CCDC144A: variants seen among roughly 807,000 people sequenced by gnomAD.
CCDC144A encodes coiled-coil domain-containing protein 144A.
Under a neutral mutation model 143.8 loss-of-function variants are expected in CCDC144A, and 41 were observed. The ratio of observed to expected loss-of-function variants is 0.29; its 90% CI spans 0.22 to 0.37. The LOEUF (loss-of-function observed/expected upper bound fraction) is 0.37, where lower values mean the gene tolerates loss of function less well. Ranked by LOEUF, CCDC144A falls within the 10% of genes least tolerant of loss-of-function variation. The pLI, the probability that CCDC144A is intolerant of heterozygous loss-of-function variation, is 1.00. For synonymous variants in CCDC144A, 242 were observed against 517.9 expected (o/e 0.47, Z 7.23); for missense variants, 637 against 1,488.8 (o/e 0.43, Z 9.41).
intron 12 of CCDC144A, among the ~76,000 whole-genome samples, chr17:16,751,029 A>G (rs939874850): frequency 6.6e-6 from 1 of 152,234 alleles, no homozygotes; most frequent in Admixed American, 6.5e-5. Flanking sequence ...AAAGCAAGTC[A>G]TTACACTTTA....
At chr17:16,669,205 G>T in the CCDC144A span, among the ~76,000 whole-genome samples, 1 of 152,154 alleles carries the variant, frequency 6.6e-6, no homozygotes, top group Admixed American at 6.5e-5. Flanking sequence ...ATTTGAGAAA[G>T]ATTTTGCATA....
At chr17:16,716,692 A>G (rs1912772847) in intron 6 of CCDC144A, among the ~76,000 whole-genome samples, 1 of 152,174 alleles carries the variant, frequency 6.6e-6, no homozygotes, top group East Asian at 1.9e-4. Flanking sequence ...GTTATTTTTA[A>G]GACTTGGTTT....
chr17:16,685,264 C>T (rs1910738949), upstream of CCDC144A, among the ~76,000 whole-genome samples: 1 of 152,166 alleles, frequency 6.6e-6, no homozygotes, highest in Non-Finnish European at 1.5e-5. Context: ...TGACCTCAAA[C>T]AATCCACCTG....
intron 1 of CCDC144A, chr17:16,691,725 A>G (rs974027045): frequency 6.6e-6 from 1 of 152,440 alleles, no homozygotes; most frequent in African/African-American, 2.4e-5. Flanking sequence ...AGATCGCGCC[A>G]CTGCACTCCA....
chr17:16,722,782 A>G (rs1246161141), intron 8 of CCDC144A, among the ~76,000 whole-genome samples: 1 of 152,064 alleles, frequency 6.6e-6, no homozygotes, highest in Non-Finnish European at 1.5e-5. Context: ...GACAGCGTGT[A>G]GCCTTTAGAC....
Position 16,732,574 on chromosome 17 carries a change from T to C in CCDC144A, c.2326T>C (p.Ser776Pro). Residue 776 changes from serine to proline, a missense_variant, in exon 11 of 17, where the codon TCT (serine) becomes CCT (proline). By Grantham distance (74) the Ser-to-Pro change is moderately conservative. Coordinates refer to ENST00000399273, the MANE Select transcript of CCDC144A (RefSeq NM_001382000.1). Reference protein sequence around the residue: ...QERNDAQKQLSEEQDARILQD... With the variant: ...QERNDAQKQLPEEQDARILQD... ...GAGAAACGATGCCCAGAAGCAACTT[T>C]CTGAAGAACAGGATGCCAGAATATT... The C allele has an allele frequency of 6.2e-7, 1 of 1,609,960 alleles. No homozygotes were observed. Among genetic ancestry groups the C allele is most frequent in the Non-Finnish European group, 8.5e-7 (1 of 1,178,654 alleles).
chr17:16,701,685 G>A (rs1911743435), intron 2 of CCDC144A, among the ~76,000 whole-genome samples: 1 of 150,992 alleles, frequency 6.6e-6, no homozygotes, highest in Non-Finnish European at 1.5e-5. Flanking sequence ...CTTTGTCCTT[G>A]CGTTTGTTTT....
chr17:16,684,895 G>A (rs1198927953), upstream of CCDC144A, among the ~76,000 whole-genome samples: 2 of 152,176 alleles, frequency 1.3e-5, no homozygotes, highest in South Asian at 2.1e-4. Context: ...TGGGGAGGTC[G>A]AGGTTGCAGT....
In CCDC144A at chr17:16,734,763, T is replaced by C; in HGVS notation, c.2492T>C (p.Leu831Pro). The C allele has an allele frequency of 6.3e-7, 1 of 1,586,596 alleles. No homozygotes were observed. The highest frequency in any genetic ancestry group is 8.6e-7 in the Non-Finnish European group (1 of 1,168,364). Residue 831 changes from leucine (L) to proline (P), a missense_variant, in exon 12 of 17, where the codon CTG (leucine) becomes CCG (proline). Coordinates refer to ENST00000399273, the MANE Select transcript of CCDC144A (RefSeq NM_001382000.1). ...ATGTTGCAGGAAGAAATTGCCTTGCTGAGACTGGAAATAGATACAATAAAA... is the reference window on the plus strand; with the variant it reads ...ATGTTGCAGGAAGAAATTGCCTTGCCGAGACTGGAAATAGATACAATAAAA... ...DCMLQEEIAL[L>P]RLEIDTIKNQ...
the CCDC144A span, among the ~76,000 whole-genome samples, chr17:16,670,000 G>C: frequency 6.6e-6 from 1 of 151,970 alleles, no homozygotes; most frequent in Non-Finnish European, 1.5e-5. Flanking sequence ...GACCAACATG[G>C]TGAAATTCCG....
chr17:16,760,893 T>C (rs1197258525), intron 12 of CCDC144A, among the ~76,000 whole-genome samples: 29 of 147,934 alleles, frequency 2.0e-4, no homozygotes, highest in African/African-American at 7.2e-4. Context: ...GTGGCAAAGA[T>C]GATGAAAGTA....
the CCDC144A span, among the ~76,000 whole-genome samples, chr17:16,669,205 G>A: frequency 6.6e-6 from 1 of 152,154 alleles, no homozygotes; most frequent in Non-Finnish European, 1.5e-5. Context: ...ATTTGAGAAA[G>A]ATTTTGCATA....
At chr17:16,699,417 C>T (rs973932408) in intron 2 of CCDC144A, among the ~76,000 whole-genome samples, 3 of 145,940 alleles carry the variant, frequency 2.1e-5, no homozygotes, top group Non-Finnish European at 4.5e-5. Flanking sequence ...GCTCTTCCAC[C>T]CAGGCGGGAC....
intron 16 of CCDC144A, among the ~76,000 whole-genome samples, 175 bp downstream of exon 16, chr17:16,772,194 T>C (rs28403367): frequency 0.065 from 9,754 of 149,976 alleles, no homozygotes; most frequent in South Asian, 0.11. Context: ...AGCATACTTA[T>C]GCCTCATGAA....
intron 12 of CCDC144A, among the ~76,000 whole-genome samples, chr17:16,741,274 G>T (rs1191401326): frequency 6.6e-6 from 1 of 152,152 alleles, no homozygotes; most frequent in Non-Finnish European, 1.5e-5. Context: ...GCTCCCTTCA[G>T]CTTCACTTGG....
intron 12 of CCDC144A, among the ~76,000 whole-genome samples, chr17:16,751,946 T>C (rs397842928): frequency 1.6e-4 from 24 of 152,312 alleles, no homozygotes; most frequent in South Asian, 1.5e-3. Context: ...CCCAGCCTTC[T>C]GTGCCCAGAT....
intron 12 of CCDC144A, among the ~76,000 whole-genome samples, chr17:16,749,057 T>C (rs753994720): frequency 3.2e-3 from 488 of 152,276 alleles, no homozygotes; most frequent in Admixed American, 9.7e-3. Flanking sequence ...TTGGTTTCAC[T>C]GATCCTTTGT....
At chr17:16,670,860 C>T in the CCDC144A span, among the ~76,000 whole-genome samples, 1 of 151,944 alleles carries the variant, frequency 6.6e-6, no homozygotes, top group South Asian at 2.1e-4. Flanking sequence ...CATACCATAT[C>T]ATGTTTTATA....
chr17:16,677,169 G>A, the CCDC144A span, among the ~76,000 whole-genome samples: 6 of 151,782 alleles, frequency 4.0e-5, no homozygotes, highest in African/African-American at 1.2e-4. Context: ...CTGCACCTTC[G>A]TCCGTCCTCT....
Sources: allele counts gnomAD v4.1 joint callset (sites outside exome capture counted in the v4.1 genomes callset), GRCh38; gene constraint gnomAD v4.1.1; transcripts MANE v1.5; gene names NCBI Gene and HGNC (gene_info 2026-07-23, HGNC 2026-07-21).